The following SUGCT variants were observed in gnomAD, a reference collection of about 807,000 sequenced individuals.
SUGCT encodes succinyl-CoA:glutarate-CoA transferase, also known as succinyl-CoA:glutarate CoA-transferase.
Under a neutral mutation model 55.0 loss-of-function variants are expected in SUGCT, and 41 were observed. The observed-to-expected ratio is 0.74, with a 90% confidence interval of 0.58 to 0.97. SUGCT has a LOEUF of 0.97. Ranked by LOEUF, SUGCT falls within the 50% of genes least tolerant of loss-of-function variation. SUGCT has a pLI of 0.00. For synonymous variants in SUGCT, 187 were observed against 200.4 expected (o/e 0.93, Z 0.56); for missense variants, 568 against 547.8 (o/e 1.04, Z -0.37).
At chr7:40,471,093 T>C (rs1483154604) in intron 11 of SUGCT, among the ~76,000 whole-genome samples, 3 of 152,020 alleles carry the variant, frequency 2.0e-5, no homozygotes, top group Non-Finnish European at 4.4e-5. Flanking sequence ...ATTTGAAAAA[T>C]AGGAGTAATT....
intron 9 of SUGCT, among the ~76,000 whole-genome samples, chr7:40,358,255 T>A (rs943685522): frequency 6.6e-6 from 1 of 152,204 alleles, no homozygotes; most frequent in Non-Finnish European, 1.5e-5. Flanking sequence ...CTGAAAAGCA[T>A]GAAGTGTTTA....
At chr7:40,953,732 G>T in the SUGCT span, among the ~76,000 whole-genome samples, 3 of 152,224 alleles carry the variant, frequency 2.0e-5, no homozygotes, top group African/African-American at 7.2e-5. Context: ...GACCCTGTTT[G>T]CCTGGGTATC....
At chr7:40,811,737 T>C (rs1279501768) in intron 13 of SUGCT, among the ~76,000 whole-genome samples, 1 of 152,080 alleles carries the variant, frequency 6.6e-6, no homozygotes, top group African/African-American at 2.4e-5. Flanking sequence ...ACTACTTTTC[T>C]TATTTGGATA....
the SUGCT span, among the ~76,000 whole-genome samples, chr7:40,913,389 A>G: frequency 2.0e-5 from 3 of 152,162 alleles, no homozygotes; most frequent in Non-Finnish European, 2.9e-5. Flanking sequence ...AGAACATCAC[A>G]TGGTCCCCCA....
At chr7:40,744,091 T>A (rs1787608426) in intron 12 of SUGCT, among the ~76,000 whole-genome samples, 1 of 142,882 alleles carries the variant, frequency 7.0e-6, no homozygotes, top group African/African-American at 2.6e-5. Flanking sequence ...CTGGCTAAAT[T>A]TTTTTTTTTT....
chr7:40,223,631 T>A (rs2150833925), intron 6 of SUGCT, among the ~76,000 whole-genome samples: 1 of 152,354 alleles, frequency 6.6e-6, no homozygotes, highest in East Asian at 1.9e-4. Context: ...GTTTGCCTAT[T>A]TAGGAAGCAT....
intron 6 of SUGCT, among the ~76,000 whole-genome samples, chr7:40,235,325 T>A (rs73131776): frequency 0.42 from 63,130 of 151,278 alleles, 13,239 homozygotes; most frequent in East Asian, 0.48. Flanking sequence ...TTGAAAAAAA[T>A]TTTTGTTATT....
intron 1 of SUGCT, among the ~76,000 whole-genome samples, chr7:40,142,914 G>C (rs958707144): frequency 1.3e-5 from 2 of 152,176 alleles, no homozygotes; most frequent in Non-Finnish European, 2.9e-5. Context: ...GGTTGTAATA[G>C]ATGTAGTTTA....
At chr7:40,406,322 T>C (rs1786369326) in intron 9 of SUGCT, among the ~76,000 whole-genome samples, 1 of 152,136 alleles carries the variant, frequency 6.6e-6, no homozygotes, top group Non-Finnish European at 1.5e-5. Context: ...TTAGGAATCT[T>C]GTGGCCTTTG....
At chr7:40,157,299 C>T (rs1269542198) in intron 1 of SUGCT, among the ~76,000 whole-genome samples, 1 of 152,170 alleles carries the variant, frequency 6.6e-6, no homozygotes, top group African/African-American at 2.4e-5. Flanking sequence ...TGCTTTCTTT[C>T]ACTTTCTCAG....
chr7:40,415,061 A>ATCTATCTAT (rs59583043), intron 9 of SUGCT, among the ~76,000 whole-genome samples: 1 of 63,586 alleles, frequency 1.6e-5, no homozygotes, highest in Non-Finnish European at 2.8e-5. Flanking sequence ...AAAAAAAAAA[A>ATCTATCTAT]ATCTATCTAT....
At chr7:40,681,857 T>C (rs1024251835) in intron 12 of SUGCT, among the ~76,000 whole-genome samples, 5 of 152,132 alleles carry the variant, frequency 3.3e-5, no homozygotes, top group Non-Finnish European at 7.4e-5. Flanking sequence ...CATGACTTCC[T>C]TCAGGCCCTC....
chr7:40,305,776 C>G (rs542376026), intron 8 of SUGCT, among the ~76,000 whole-genome samples: 1 of 152,210 alleles, frequency 6.6e-6, no homozygotes, highest in African/African-American at 2.4e-5. Context: ...ATCCTCCCTT[C>G]TCAGTCTCCT....
At chr7:40,194,547 T>C (rs1786130282) in intron 5 of SUGCT, among the ~76,000 whole-genome samples, 1 of 152,172 alleles carries the variant, frequency 6.6e-6, no homozygotes, top group South Asian at 2.1e-4. Context: ...ATTAGAGGAG[T>C]GAACAACCAC....
intron 12 of SUGCT, among the ~76,000 whole-genome samples, chr7:40,497,925 A>G (rs552351129): frequency 6.6e-6 from 1 of 152,150 alleles, no homozygotes; most frequent in South Asian, 2.1e-4. Flanking sequence ...ATAAACAAAG[A>G]TTTATAATCC....
At chr7:40,677,685 C>T (rs570496611) in intron 12 of SUGCT, among the ~76,000 whole-genome samples, 96 of 152,140 alleles carry the variant, frequency 6.3e-4, no homozygotes, top group Non-Finnish European at 1.2e-3. Context: ...TAAGAACGTT[C>T]ATATCTTGCT....
At chr7:40,737,328 C>A (rs1787215294) in intron 12 of SUGCT, among the ~76,000 whole-genome samples, 1 of 152,136 alleles carries the variant, frequency 6.6e-6, no homozygotes, top group Admixed American at 6.5e-5. Context: ...ATGGAGATAT[C>A]TGATTCAATT....
the SUGCT span, among the ~76,000 whole-genome samples, chr7:40,906,343 T>C: frequency 6.6e-6 from 1 of 152,130 alleles, no homozygotes; most frequent in African/African-American, 2.4e-5. Flanking sequence ...CAGAGAGAAC[T>C]GGGGAAACAT....
At chr7:40,489,666 C>A (rs563478330) in intron 11 of SUGCT, among the ~76,000 whole-genome samples, 1 of 151,912 alleles carries the variant, frequency 6.6e-6, no homozygotes, top group Non-Finnish European at 1.5e-5. Context: ...GGTGACAGAG[C>A]GAGACTCTGT....
Sources: gnomAD v4.1 joint callset for allele counts (sites outside exome capture counted in the v4.1 genomes callset) on GRCh38, gnomAD v4.1.1 for gene constraint, MANE v1.5 for transcripts, NCBI Gene and HGNC (gene_info 2026-07-23, HGNC 2026-07-21) for gene names.